NTRK2: variants seen among roughly 807,000 people sequenced by gnomAD.
The protein encoded by NTRK2 is BDNF/NT-3 growth factors receptor.
Under a neutral mutation model 94.5 loss-of-function variants are expected in NTRK2, and 13 were observed. The observed-to-expected ratio is 0.14, with a 90% CI of 0.09 to 0.22. The LOEUF is 0.22. NTRK2 is among the 10% of genes least tolerant of loss of function. The pLI is 1.00. For missense variants in NTRK2, 639 were observed against 1,071.2 expected (o/e 0.60, Z 5.63); for synonymous variants, 372 against 407.4 (o/e 0.91, Z 1.05).
intron 12 of NTRK2, among the ~76,000 whole-genome samples, chr9:84,768,497 A>T (rs1477849393): frequency 6.6e-6 from 1 of 152,076 alleles, no homozygotes; most frequent in Non-Finnish European, 1.5e-5. Flanking sequence ...GAGATGGAAA[A>T]CATCCCCTGA....
intron 2 of NTRK2, among the ~76,000 whole-genome samples, chr9:84,692,665 C>T (rs958058458): frequency 3.3e-5 from 5 of 151,900 alleles, no homozygotes; most frequent in Non-Finnish European, 7.4e-5. Context: ...CGGGGTTTCT[C>T]CATGTTGCTC....
intron 17 of NTRK2, among the ~76,000 whole-genome samples, chr9:84,985,876 G>A (rs564970209): frequency 2.4e-4 from 36 of 152,288 alleles, no homozygotes; most frequent in South Asian, 4.1e-4. Flanking sequence ...CAGGTGAATC[G>A]TAAAACCAGA....
chr9:84,723,234 C>A (rs984207285), intron 6 of NTRK2, among the ~76,000 whole-genome samples: 4 of 152,160 alleles, frequency 2.6e-5, no homozygotes, highest in African/African-American at 9.7e-5. Flanking sequence ...TATGTACAAT[C>A]TCTGTTTATG....
At chr9:84,694,442 G>T (rs1478034335) in intron 2 of NTRK2, among the ~76,000 whole-genome samples, 1 of 152,188 alleles carries the variant, frequency 6.6e-6, no homozygotes, top group Non-Finnish European at 1.5e-5. Flanking sequence ...TTCAAATTTA[G>T]ATTTTGGGCT....
At chr9:84,812,198 A>C (rs1386149544) in intron 12 of NTRK2, 20 of 1,057,326 alleles carry the variant, frequency 1.9e-5, no homozygotes, top group Non-Finnish European at 2.3e-5. Flanking sequence ...ACCAGGATCC[A>C]TTTAGGTACC....
At chr9:84,708,931 A>G (rs1392049722) in intron 5 of NTRK2, among the ~76,000 whole-genome samples, 1 of 152,244 alleles carries the variant, frequency 6.6e-6, no homozygotes, top group East Asian at 1.9e-4. Context: ...GAGATAGGGT[A>G]AAGTACTTGG....
At chr9:84,771,276 A>C (rs1374105513) in intron 12 of NTRK2, among the ~76,000 whole-genome samples, 1 of 152,226 alleles carries the variant, frequency 6.6e-6, no homozygotes, top group East Asian at 1.9e-4. Flanking sequence ...TGAGGTGGTC[A>C]CGCTCGGTCC....
intron 12 of NTRK2, among the ~76,000 whole-genome samples, chr9:84,804,300 C>T (rs573654208): frequency 6.6e-6 from 1 of 152,254 alleles, no homozygotes; most frequent in African/African-American, 2.4e-5. Context: ...TCTCCTCCTC[C>T]TCTTCCTCTT....
intron 9 of NTRK2, among the ~76,000 whole-genome samples, chr9:84,731,199 C>G (rs994148226): frequency 2.0e-5 from 3 of 152,184 alleles, no homozygotes; most frequent in African/African-American, 7.2e-5. Context: ...CTTTGGGAAG[C>G]TGAAGTGGGC....
Position 85,021,444 on chromosome 9 carries a change from TTTCCCCAGACCGATCC to T in NTRK2, c.*13_*28del. Reference sequence around the variant, plus strand: ...CCTGGACATTCTAGGCTAGGGCCCTTTTCCCCAGACCGATCCTTCCCAACGTACTCCTCAGACGGGC... The same window carrying T: ...CCTGGACATTCTAGGCTAGGGCCCTTTTCCCAACGTACTCCTCAGACGGGC... On this transcript the variant is annotated 3_prime_UTR_variant, in exon 19 of 19. Transcript: ENST00000277120. 1 of 1,614,064 alleles carries T rather than the reference TTTCCCCAGACCGATCC, an allele frequency of 6.2e-7. No individual in the cohort carries two copies. The highest frequency in any genetic ancestry group is 8.5e-7 in the Non-Finnish European group (1 of 1,179,956).
intron 17 of NTRK2, among the ~76,000 whole-genome samples, chr9:85,005,533 A>G (rs992507781): frequency 2.6e-5 from 4 of 152,220 alleles, no homozygotes; most frequent in Non-Finnish European, 4.4e-5. Flanking sequence ...AATTATTTCA[A>G]TATAGAGGTA....
At chr9:84,706,967 C>T (rs1350232887) in intron 4 of NTRK2, among the ~76,000 whole-genome samples, 1 of 152,138 alleles carries the variant, frequency 6.6e-6, no homozygotes, top group East Asian at 1.9e-4. Flanking sequence ...ATTTTACATT[C>T]ATTTTATTTA....
intron 12 of NTRK2, among the ~76,000 whole-genome samples, chr9:84,859,095 G>GA (rs1418953858): frequency 6.6e-6 from 1 of 152,200 alleles, no homozygotes; most frequent in Non-Finnish European, 1.5e-5. Flanking sequence ...CTTCACAAGT[G>GA]AGAGGAATTC....
At chr9:84,775,933 A>G (rs2066987522) in intron 12 of NTRK2, among the ~76,000 whole-genome samples, 1 of 152,210 alleles carries the variant, frequency 6.6e-6, no homozygotes, top group Non-Finnish European at 1.5e-5. Flanking sequence ...AGAGTACACA[A>G]AAAACATTAA....
chr9:84,975,371 AGAT>A (rs1043530669), intron 17 of NTRK2, among the ~76,000 whole-genome samples: 3 of 152,210 alleles, frequency 2.0e-5, no homozygotes, highest in Non-Finnish European at 2.9e-5. Flanking sequence ...ATGGAGGAAA[AGAT>A]GTGGCAAAAA....
intron 17 of NTRK2, among the ~76,000 whole-genome samples, chr9:84,972,257 T>A (rs375142250): frequency 3.8e-4 from 58 of 152,252 alleles, no homozygotes; most frequent in African/African-American, 1.4e-3. Flanking sequence ...ATGAAGCAGA[T>A]TTGGCACGAT....
intron 12 of NTRK2, among the ~76,000 whole-genome samples, chr9:84,837,260 A>G (rs1338187817): frequency 3.3e-5 from 5 of 152,068 alleles, no homozygotes; most frequent in Admixed American, 1.3e-4. Flanking sequence ...TAAGTGACCA[A>G]AGCTACCAGG....
At chr9:84,982,411 G>T (rs533866947) in intron 17 of NTRK2, among the ~76,000 whole-genome samples, 3 of 152,304 alleles carry the variant, frequency 2.0e-5, no homozygotes, top group Non-Finnish European at 4.4e-5. Context: ...GGCAGCACCA[G>T]GGTCACCTGA....
chr9:84,862,205 T>G (rs1413993910), intron 13 of NTRK2, among the ~76,000 whole-genome samples: 1 of 152,198 alleles, frequency 6.6e-6, no homozygotes, highest in East Asian at 1.9e-4. Context: ...TAGTCAGGGC[T>G]TCTAGGCAGC....
Sources: gnomAD v4.1 joint callset for allele counts (sites outside exome capture counted in the v4.1 genomes callset) on GRCh38, gnomAD v4.1.1 for gene constraint, MANE v1.5 for transcripts, NCBI Gene and HGNC (gene_info 2026-07-23, HGNC 2026-07-21) for gene names.